FRMD4A: variants seen among roughly 807,000 people sequenced by gnomAD.
The protein encoded by FRMD4A is FERM domain containing 4A.
In FRMD4A, 29 loss-of-function variants were observed where a neutral mutation model predicts 129.1. The ratio of observed to expected loss-of-function variants is 0.22; its 90% CI spans 0.17 to 0.31. The LOEUF is 0.31. Ranked by LOEUF, FRMD4A falls within the 10% of genes least tolerant of loss-of-function variation. FRMD4A has a pLI of 1.00. For missense variants in FRMD4A, 1,272 were observed against 1,375.8 expected (o/e 0.92, Z 1.19); for synonymous variants, 634 against 571.6 (o/e 1.11, Z -1.56).
intron 4 of FRMD4A, among the ~76,000 whole-genome samples, chr10:13,798,506 G>A (rs567316879): frequency 6.6e-6 from 1 of 152,330 alleles, no homozygotes; most frequent in South Asian, 2.1e-4. Flanking sequence ...CACGAGGTCA[G>A]GAGATGGAGA....
intron 2 of FRMD4A, among the ~76,000 whole-genome samples, chr10:14,167,203 G>C (rs1242905979): frequency 1.3e-5 from 2 of 152,126 alleles, no homozygotes; most frequent in Non-Finnish European, 2.9e-5. Flanking sequence ...CAGAAAATAA[G>C]TACGTCATAT....
At chr10:14,310,011 T>C (rs1369630886) in intron 2 of FRMD4A, among the ~76,000 whole-genome samples, 2 of 139,722 alleles carry the variant, frequency 1.4e-5, no homozygotes, top group Non-Finnish European at 3.0e-5. Context: ...TCCTTCGCCC[T>C]CGTGCATCTC....
chr10:13,702,540 A>ATATGTGTGTGTG (rs1554852830), intron 13 of FRMD4A, among the ~76,000 whole-genome samples: 1 of 107,718 alleles, frequency 9.3e-6, no homozygotes, highest in Non-Finnish European at 2.3e-5. Context: ...GTGTGTTTGC[A>ATATGTGTGTGTG]TGTGTGTGTG....
At chr10:13,908,821 G>A (rs1032254023) in intron 2 of FRMD4A, among the ~76,000 whole-genome samples, 2 of 152,216 alleles carry the variant, frequency 1.3e-5, no homozygotes, top group Non-Finnish European at 2.9e-5. Flanking sequence ...TTGAATTTCA[G>A]ATAAACAACA....
chr10:14,322,839 C>T (rs1843117112), intron 2 of FRMD4A, among the ~76,000 whole-genome samples: 1 of 152,208 alleles, frequency 6.6e-6, no homozygotes, highest in African/African-American at 2.4e-5. Flanking sequence ...CTGCTACTTG[C>T]ACCAGTAATG....
intron 3 of FRMD4A, among the ~76,000 whole-genome samples, chr10:13,820,560 T>A (rs1484976168): frequency 6.7e-6 from 1 of 149,416 alleles, no homozygotes; most frequent in African/African-American, 2.5e-5. Flanking sequence ...AAAAAAAAAA[T>A]TCAAACAGCA....
At chr10:14,310,084 G>A (rs116944039) in intron 2 of FRMD4A, among the ~76,000 whole-genome samples, 69 of 152,254 alleles carry the variant, frequency 4.5e-4, no homozygotes, top group East Asian at 1.9e-3. Context: ...ATGCATCTTC[G>A]AGGATCCTAC....
intron 3 of FRMD4A, among the ~76,000 whole-genome samples, chr10:13,856,077 C>T (rs751459123): frequency 4.4e-4 from 66 of 149,548 alleles, no homozygotes; most frequent in East Asian, 1.4e-3. Context: ...CATAGATACA[C>T]GCACTATCAA....
At chr10:14,023,784 T>A (rs993824821) in intron 2 of FRMD4A, among the ~76,000 whole-genome samples, 13 of 152,298 alleles carry the variant, frequency 8.5e-5, no homozygotes, top group Non-Finnish European at 1.9e-4. Context: ...TCAGCTGCTC[T>A]TTTCTTTAGC....
At chr10:13,662,372 C>T (rs1400148648) in intron 19 of FRMD4A, among the ~76,000 whole-genome samples, 4 of 152,228 alleles carry the variant, frequency 2.6e-5, no homozygotes, top group Non-Finnish European at 5.9e-5. Context: ...ATCATTATTA[C>T]TATGACTAGT....
chr10:13,941,883 T>G (rs1451297327), intron 2 of FRMD4A, among the ~76,000 whole-genome samples: 5 of 152,320 alleles, frequency 3.3e-5, no homozygotes, highest in African/African-American at 1.2e-4. Context: ...GTGAGGCCTC[T>G]CTTTTCTACT....
At chr10:14,221,972 G>C (rs1843276797) in intron 2 of FRMD4A, among the ~76,000 whole-genome samples, 1 of 152,160 alleles carries the variant, frequency 6.6e-6, no homozygotes, top group South Asian at 2.1e-4. Flanking sequence ...CTGCTTCTCA[G>C]GAAGGTAGGT....
At chr10:14,198,735 G>A (rs886213632) in intron 2 of FRMD4A, among the ~76,000 whole-genome samples, 14 of 152,058 alleles carry the variant, frequency 9.2e-5, no homozygotes, top group Admixed American at 7.9e-4. Context: ...CTCCATCCAC[G>A]GTGCGTTATC....
chr10:14,035,463 C>T (rs1325416917), intron 2 of FRMD4A, among the ~76,000 whole-genome samples: 1 of 150,836 alleles, frequency 6.6e-6, no homozygotes, highest in Non-Finnish European at 1.5e-5. Flanking sequence ...ATGAAACAAG[C>T]CAAATATAAT....
At chr10:13,844,877 C>T (rs2094020399) in intron 3 of FRMD4A, among the ~76,000 whole-genome samples, 2 of 152,200 alleles carry the variant, frequency 1.3e-5, no homozygotes, top group African/African-American at 4.8e-5. Flanking sequence ...AGGAAGGATA[C>T]AGCCCCTATT....
At chr10:13,912,035 T>C (rs2094946421) in intron 2 of FRMD4A, among the ~76,000 whole-genome samples, 1 of 152,238 alleles carries the variant, frequency 6.6e-6, no homozygotes, top group South Asian at 2.1e-4. Context: ...TCTTCCCTTT[T>C]CTTTAATGCA....
chr10:14,220,964 T>C (rs570704818), intron 2 of FRMD4A, among the ~76,000 whole-genome samples: 3 of 151,632 alleles, frequency 2.0e-5, no homozygotes, highest in Non-Finnish European at 4.4e-5. Context: ...ACCTGACTAT[T>C]TAGGCTGGAC....
rs777007506 is a variant in FRMD4A, at chr10:13,884,122, T to TCA, written c.46-25212_46-25211dup. On this transcript the variant is annotated intron_variant, in intron 2 of 24. Transcript: ENST00000357447. ...AAAAGAAACACACACACACACACAC[T>TCA]CACACACACGCTCACACACACTCTC... Among the ~76,000 whole-genome samples, 250 of 78,260 alleles carry TCA rather than the reference T, an allele frequency of 3.2e-3. 6 individuals are homozygous for TCA. The highest frequency in any genetic ancestry group is 0.012 in the African/African-American group (234 of 19,308). 51.3% of individuals were successfully genotyped at this position (78,260 alleles called of 152,430 possible).
At chr10:13,892,396 G>C (rs2094710855) in intron 2 of FRMD4A, among the ~76,000 whole-genome samples, 1 of 152,082 alleles carries the variant, frequency 6.6e-6, no homozygotes. Flanking sequence ...TCAAGGCTTC[G>C]CGACAATGAC....
Sources: allele counts gnomAD v4.1 joint callset (sites outside exome capture counted in the v4.1 genomes callset), GRCh38; gene constraint gnomAD v4.1.1; transcripts MANE v1.5; gene names NCBI Gene and HGNC (gene_info 2026-07-23, HGNC 2026-07-21).